GLIS3: variants seen among roughly 807,000 people sequenced by gnomAD.
GLIS3 encodes zinc finger protein GLIS3.
A neutral mutation model predicts 78.6 loss-of-function variants in GLIS3; 53 were observed. That is an observed-to-expected ratio of 0.67 (90% CI 0.54 to 0.85). The LOEUF (loss-of-function observed/expected upper bound fraction) is 0.85, where lower values mean the gene tolerates loss of function less well. Ranked by LOEUF, GLIS3 falls within the 40% of genes least tolerant of loss-of-function variation. GLIS3 has a pLI of 0.00. For synonymous variants in GLIS3, 684 were observed against 509.9 expected (o/e 1.34, Z -4.60); for missense variants, 1,703 against 1,231.1 (o/e 1.38, Z -5.74).
chr9:4,026,982 CTCATGATTTAAGG>C (rs1823401161), intron 4 of GLIS3, among the ~76,000 whole-genome samples: 1 of 152,112 alleles, frequency 6.6e-6, no homozygotes, highest in Admixed American at 6.5e-5. Flanking sequence ...TCCATGGAGT[CTCATGATTTAAGG>C]CCACATGTGG....
chr9:4,263,804 C>G (rs1825743954), intron 2 of GLIS3, among the ~76,000 whole-genome samples: 1 of 152,150 alleles, frequency 6.6e-6, no homozygotes, highest in Non-Finnish European at 1.5e-5. Flanking sequence ...AACTTGGTTT[C>G]TGAGACACCC....
At chr9:3,987,571 G>A (rs555591703) in intron 4 of GLIS3, among the ~76,000 whole-genome samples, 2 of 151,100 alleles carry the variant, frequency 1.3e-5, no homozygotes, top group South Asian at 4.2e-4. Flanking sequence ...GCGTTGTGGT[G>A]GGCGCCTGTA....
intron 4 of GLIS3, among the ~76,000 whole-genome samples, chr9:3,969,601 C>A (rs1423284474): frequency 6.6e-6 from 1 of 152,202 alleles, no homozygotes; most frequent in South Asian, 2.1e-4. Context: ...GCACCTTCAG[C>A]TGGGCTCAAG....
At chr9:4,241,433 T>C (rs1407838041) in intron 2 of GLIS3, among the ~76,000 whole-genome samples, 1 of 152,166 alleles carries the variant, frequency 6.6e-6, no homozygotes, top group Admixed American at 6.5e-5. Flanking sequence ...ATTTATTGTA[T>C]TTTTCAAAAT....
chr9:3,971,371 G>C (rs770213362), intron 4 of GLIS3, among the ~76,000 whole-genome samples: 4 of 152,154 alleles, frequency 2.6e-5, no homozygotes, highest in Non-Finnish European at 4.4e-5. Context: ...TGAGGGAAAA[G>C]TAACCCAGCC....
At chr9:4,269,033 C>T (rs1450657799) in intron 2 of GLIS3, among the ~76,000 whole-genome samples, 5 of 152,232 alleles carry the variant, frequency 3.3e-5, no homozygotes, top group Non-Finnish European at 7.3e-5. Context: ...CTTTCCCTGA[C>T]TGGATGCTGG....
At chr9:4,191,318 G>A (rs1563728663) in intron 2 of GLIS3, among the ~76,000 whole-genome samples, 1 of 152,100 alleles carries the variant, frequency 6.6e-6, no homozygotes, top group Non-Finnish European at 1.5e-5. Context: ...CAAAATAACG[G>A]TGTATTTTCA....
At chr9:3,984,514 C>T (rs1275589263) in intron 4 of GLIS3, among the ~76,000 whole-genome samples, 1 of 152,230 alleles carries the variant, frequency 6.6e-6, no homozygotes, top group Non-Finnish European at 1.5e-5. Context: ...TACCCAATGC[C>T]TGTACCCCCA....
chr9:4,429,871 T>A, the GLIS3 span, among the ~76,000 whole-genome samples: 3 of 152,150 alleles, frequency 2.0e-5, no homozygotes, highest in Non-Finnish European at 4.4e-5. Flanking sequence ...TTTCATGCAT[T>A]ACCTTGGATA....
the GLIS3 span, among the ~76,000 whole-genome samples, chr9:4,387,781 G>A: frequency 2.0e-5 from 3 of 152,254 alleles, 1 homozygote; most frequent in Non-Finnish European, 1.5e-5. Context: ...CAGCTGTACA[G>A]GTACTTTTCT....
chr9:4,130,012 T>A (rs1352128865), intron 2 of GLIS3, among the ~76,000 whole-genome samples: 1 of 152,198 alleles, frequency 6.6e-6, no homozygotes, highest in Non-Finnish European at 1.5e-5. Flanking sequence ...TATTATCCAT[T>A]AGCAGTGAGG....
intron 4 of GLIS3, among the ~76,000 whole-genome samples, chr9:4,002,376 G>A (rs574738521): frequency 6.6e-6 from 1 of 152,252 alleles, no homozygotes; most frequent in Admixed American, 6.5e-5. Context: ...ATAAATTTGT[G>A]TTATTTGAAG....
At chr9:4,406,820 T>C in the GLIS3 span, among the ~76,000 whole-genome samples, 13 of 152,206 alleles carry the variant, frequency 8.5e-5, no homozygotes, top group Admixed American at 4.6e-4. Flanking sequence ...AATGGAAAGA[T>C]ACTCCATGTT....
intron 7 of GLIS3, among the ~76,000 whole-genome samples, chr9:3,890,416 T>A (rs183738146): frequency 2.5e-3 from 375 of 152,204 alleles, no homozygotes; most frequent in Non-Finnish European, 3.7e-3. Context: ...GCACCCAGCA[T>A]AAAAGACATG....
intron 4 of GLIS3, among the ~76,000 whole-genome samples, chr9:4,074,325 G>C (rs570983524): frequency 6.6e-6 from 1 of 152,292 alleles, no homozygotes; most frequent in South Asian, 2.1e-4. Context: ...AGAAATTCTA[G>C]AAATTTAGTT....
chr9:4,040,958 G>C (rs1053955542), intron 4 of GLIS3, among the ~76,000 whole-genome samples: 4 of 152,138 alleles, frequency 2.6e-5, no homozygotes, highest in African/African-American at 9.7e-5. Context: ...ACCCAGGGAA[G>C]GAGAAAGATT....
chr9:4,416,491 C>T, the GLIS3 span, among the ~76,000 whole-genome samples: 1 of 152,022 alleles, frequency 6.6e-6, no homozygotes, highest in Non-Finnish European at 1.5e-5. Context: ...AAAGATTAAA[C>T]ATTGCTTGCC....
chr9:4,200,902 C>A (rs1415472068), intron 2 of GLIS3, among the ~76,000 whole-genome samples: 3 of 152,134 alleles, frequency 2.0e-5, no homozygotes, highest in African/African-American at 7.2e-5. Context: ...AACTACAGGC[C>A]AATATCCCTG....
chr9:3,880,143 T>TCTAA (rs1195083709), intron 7 of GLIS3, among the ~76,000 whole-genome samples: 2 of 151,964 alleles, frequency 1.3e-5, no homozygotes, highest in Admixed American at 6.5e-5. Flanking sequence ...AACTTTAGAG[T>TCTAA]CTAACTAACC....
Sources: gnomAD v4.1 joint callset for allele counts (sites outside exome capture counted in the v4.1 genomes callset) on GRCh38, gnomAD v4.1.1 for gene constraint, MANE v1.5 for transcripts, NCBI Gene and HGNC (gene_info 2026-07-23, HGNC 2026-07-21) for gene names.